The following VIPR1 variants were observed in gnomAD, a reference collection of about 807,000 sequenced individuals.
VIPR1 encodes vasoactive intestinal polypeptide receptor 1.
In VIPR1, 59 loss-of-function variants were observed where a neutral mutation model predicts 58.8. The observed-to-expected ratio is 1.00, with a 90% CI of 0.81 to 1.25. VIPR1 has a LOEUF of 1.25. Ranked by LOEUF, VIPR1 falls within the 50% of genes most tolerant of loss-of-function variation. The pLI is 0.00. For synonymous variants in VIPR1, 251 were observed against 242.1 expected (o/e 1.04, Z -0.34); for missense variants, 626 against 602.7 (o/e 1.04, Z -0.40).
chr3:42,531,375 T>A lies in VIPR1; in HGVS notation c.791-96T>A. The A allele has an allele frequency of 4.6e-6, 6 of 1,312,106 alleles. No homozygotes were observed. The South Asian group carries it at 7.7e-5, about 17-fold the overall frequency. The allele number at this position is 1,312,106 out of a possible 1,614,324, so 81.3% of individuals were successfully genotyped here. A position where few individuals can be genotyped will look rare whatever the true frequency, so the allele number is the denominator to read the frequency against. On this transcript the variant is annotated intron_variant, in intron 7 of 12. Coordinates refer to ENST00000325123, the MANE Select transcript of VIPR1 (RefSeq NM_004624.4). The stretch of plus-strand genomic sequence containing the variant: ...GACAACCCACCCTTTTCTCTCTCCC[T>A]CCCTCTCCCTGCTTTTCTCCAAAAT...
chr3:42,523,550 A>C (rs1701064280), intron 3 of VIPR1, among the ~76,000 whole-genome samples: 1 of 151,780 alleles, frequency 6.6e-6, no homozygotes, highest in Admixed American at 6.6e-5. Flanking sequence ...GGATAACAAA[A>C]ACTACCAATT....
intron 6 of VIPR1, 67 bp downstream of exon 6, chr3:42,528,190 C>A: frequency 6.4e-7 from 1 of 1,560,296 alleles, no homozygotes; most frequent in Non-Finnish European, 8.7e-7. Flanking sequence ...GTAATCTCCT[C>A]TTCTCCCCCT....
At chr3:42,515,664 C>A (rs1241409485) in intron 2 of VIPR1, among the ~76,000 whole-genome samples, 1 of 152,240 alleles carries the variant, frequency 6.6e-6, no homozygotes, top group Non-Finnish European at 1.5e-5. Context: ...CTGCCCGTGA[C>A]CTTCTGTAGG....
intron 5 of VIPR1, 23 bp from the exon 6 acceptor site, chr3:42,527,968 C>G: frequency 6.2e-7 from 1 of 1,611,716 alleles, no homozygotes; most frequent in Non-Finnish European, 8.5e-7. Context: ...CTTTGGCCTC[C>G]CAGATCTGCC....
At chr3:42,511,063 G>A (rs1398078452) in intron 1 of VIPR1, among the ~76,000 whole-genome samples, 4 of 152,174 alleles carry the variant, frequency 2.6e-5, no homozygotes, top group South Asian at 2.1e-4. Context: ...TGTTTACAGC[G>A]ACCAACAGAA....
At chr3:42,527,867 C>T (rs574157610) in intron 5 of VIPR1, 124 bp from the exon 6 acceptor site, 19 of 1,356,536 alleles carry the variant, frequency 1.4e-5, no homozygotes, top group Middle Eastern at 2.7e-4. Context: ...CCCTTTGAGG[C>T]GGGGCCTGCC....
chr3:42,520,355 G>A (rs896653179), intron 3 of VIPR1, among the ~76,000 whole-genome samples: 2 of 152,162 alleles, frequency 1.3e-5, no homozygotes, highest in Admixed American at 6.5e-5. Context: ...TTTTAAGCAG[G>A]GGACTGACAA....
chr3:42,516,798 A>G (rs1700651610), intron 2 of VIPR1: 1 of 152,232 alleles, frequency 6.6e-6, no homozygotes, highest in South Asian at 2.1e-4. Context: ...CATGACCTTG[A>G]GCTGGTTTTC....
At position 42,502,932 on chromosome 3, in the gene VIPR1, G is replaced by A. The variant is rs947500783; in HGVS notation, c.78+119G>A. The A allele has an allele frequency of 3.8e-6, 3 of 788,428 alleles. No homozygotes were observed. In the African/African-American group the frequency reaches 5.4e-5, roughly 14 times the overall value. 48.8% of individuals were successfully genotyped at this position (788,428 alleles called of 1,614,324 possible). A position where few individuals can be genotyped will look rare whatever the true frequency, so the allele number is the denominator to read the frequency against. On this transcript the variant is annotated intron_variant, in intron 1 of 12. Coordinates refer to ENST00000325123, the MANE Select transcript of VIPR1 (RefSeq NM_004624.4). ...GCGTGTCTGTGTAAGAGGAATAGGG[G>A]ACATCAAGCATCTCGACTCGCCTCC...
chr3:42,524,302 T>C (rs1317463651), intron 3 of VIPR1, among the ~76,000 whole-genome samples: 2 of 152,128 alleles, frequency 1.3e-5, no homozygotes, highest in Admixed American at 1.3e-4. Flanking sequence ...GCTGCAATGA[T>C]GGGAAGCTGA....
At chr3:42,505,708 G>A (rs1056663169) in intron 1 of VIPR1, among the ~76,000 whole-genome samples, 1 of 152,248 alleles carries the variant, frequency 6.6e-6, no homozygotes, top group African/African-American at 2.4e-5. Context: ...GACATCCTTG[G>A]GGAGCCCAGG....
chr3:42,496,930 T>C (rs1699773731), intron 1 of VIPR1, among the ~76,000 whole-genome samples: 1 of 148,670 alleles, frequency 6.7e-6, no homozygotes, highest in Admixed American at 6.8e-5. Flanking sequence ...TTTTCTTTTT[T>C]CTGGTTATTT....
intron 4 of VIPR1, among the ~76,000 whole-genome samples, 193 bp from the exon 5 acceptor site, chr3:42,527,200 T>C (rs1390757618): frequency 6.6e-6 from 1 of 152,098 alleles, no homozygotes; most frequent in Non-Finnish European, 1.5e-5. Context: ...GACACAGTCC[T>C]GCCCTGTCTG....
chr3:42,511,932 C>T (rs1222048398), intron 1 of VIPR1: 4 of 152,230 alleles, frequency 2.6e-5, no homozygotes, highest in African/African-American at 9.7e-5. Flanking sequence ...AGAGAAAGCA[C>T]ATGACCCCAA....
chr3:42,536,074 C>G lies in VIPR1; in HGVS notation c.1183-16C>G. Reference sequence around the variant, plus strand: ...GGCTCCACAGCAGTGGGCCTGACCACCTTCCCCTCTCCTAGGTGCAGGCGG... The same window carrying G: ...GGCTCCACAGCAGTGGGCCTGACCAGCTTCCCCTCTCCTAGGTGCAGGCGG... On this transcript the variant is annotated splice_polypyrimidine_tract_variant and intron_variant, in intron 12 of 12. Transcript: ENST00000325123. The G allele has an allele frequency of 6.3e-7, 1 of 1,582,806 alleles. No individual in the cohort carries two copies. Among genetic ancestry groups the G allele is most frequent in the East Asian group, 2.3e-5 (1 of 43,222 alleles).
intron 3 of VIPR1, among the ~76,000 whole-genome samples, chr3:42,523,529 AT>A (rs1234836175): frequency 2.0e-5 from 3 of 151,642 alleles, no homozygotes; most frequent in Non-Finnish European, 4.4e-5. Context: ...TGGGATCCCC[AT>A]TTTTTGATGG....
At chr3:42,508,218 G>A (rs896599159) in intron 1 of VIPR1, among the ~76,000 whole-genome samples, 2 of 152,152 alleles carry the variant, frequency 1.3e-5, no homozygotes, top group African/African-American at 2.4e-5. Flanking sequence ...TTTGGCAGTC[G>A]CTGCTAACCC....
Position 42,513,748 on chromosome 3 carries a change from GGGCGGCCA to G in VIPR1, c.90_97del (p.Arg32GlyfsTer4). On this transcript the variant is annotated frameshift_variant and splice_region_variant, in exon 2 of 13. Transcript: ENST00000325123. LOFTEE classifies it high-confidence loss of function. ...TGGGCCCTCCCTGTCTTTGTTCTCA[GGGCGGCCA>G]GGCGGCCAGGCTGCAGGAGGAGTGT... 2 of 1,551,292 alleles carry G rather than the reference GGGCGGCCA, an allele frequency of 1.3e-6. No individual in the cohort carries two copies. The highest frequency in any genetic ancestry group is 1.7e-6 in the Non-Finnish European group (2 of 1,146,828).
At chr3:42,519,001 C>T (rs1037356053) in intron 2 of VIPR1, among the ~76,000 whole-genome samples, 2 of 152,226 alleles carry the variant, frequency 1.3e-5, no homozygotes, top group African/African-American at 4.8e-5. Flanking sequence ...CTCCATCCCT[C>T]ACTAAGGACC....
Sources: allele counts gnomAD v4.1 joint callset (sites outside exome capture counted in the v4.1 genomes callset), GRCh38; gene constraint gnomAD v4.1.1; transcripts MANE v1.5; gene names NCBI Gene and HGNC (gene_info 2026-07-23, HGNC 2026-07-21).